RPS6KC1: variants seen among roughly 807,000 people sequenced by gnomAD.
The protein encoded by RPS6KC1 is inactive ribosomal protein S6 kinase delta-1.
A neutral mutation model predicts 103.8 loss-of-function variants in RPS6KC1; 54 were observed. That is an observed-to-expected ratio of 0.52 (90% CI 0.42 to 0.65). The LOEUF (loss-of-function observed/expected upper bound fraction) is 0.65. RPS6KC1 is among the 30% of genes least tolerant of loss of function. The pLI is 0.00. For synonymous variants in RPS6KC1, 439 were observed against 438.7 expected (o/e 1.00, Z -0.01); for missense variants, 1,151 against 1,253.8 (o/e 0.92, Z 1.24).
At chr1:213,662,237 A>T in the RPS6KC1 span, among the ~76,000 whole-genome samples, 1 of 142,092 alleles carries the variant, frequency 7.0e-6, no homozygotes, top group Non-Finnish European at 1.5e-5. Flanking sequence ...AAAAAAAAAA[A>T]TTAGCAATAT....
At chr1:213,504,207 C>T in the RPS6KC1 span, among the ~76,000 whole-genome samples, 1 of 152,282 alleles carries the variant, frequency 6.6e-6, no homozygotes, top group South Asian at 2.1e-4. Context: ...ATTCACTGCA[C>T]ATAACAGAAA....
At chr1:213,584,160 T>C in the RPS6KC1 span, among the ~76,000 whole-genome samples, 2 of 152,226 alleles carry the variant, frequency 1.3e-5, no homozygotes, top group Non-Finnish European at 2.9e-5. Flanking sequence ...GCCTGCACCA[T>C]GTAAGATGTG....
At chr1:213,251,054 T>C (rs1369001407) in intron 12 of RPS6KC1, among the ~76,000 whole-genome samples, 1 of 152,080 alleles carries the variant, frequency 6.6e-6, no homozygotes, top group Non-Finnish European at 1.5e-5. Context: ...AGAAAAAACC[T>C]TGAGTTATCT....
intron 8 of RPS6KC1, among the ~76,000 whole-genome samples, chr1:213,213,584 A>G (rs1022695835): frequency 6.6e-6 from 1 of 152,224 alleles, no homozygotes; most frequent in South Asian, 2.1e-4. Context: ...GATAACCACT[A>G]GACAATCATT....
At chr1:213,605,519 C>T in the RPS6KC1 span, among the ~76,000 whole-genome samples, 2 of 152,322 alleles carry the variant, frequency 1.3e-5, no homozygotes, top group East Asian at 1.9e-4. Flanking sequence ...ACTTAAACGA[C>T]CCCACTGAGC....
At chr1:213,368,280 G>T in the RPS6KC1 span, among the ~76,000 whole-genome samples, 1 of 147,076 alleles carries the variant, frequency 6.8e-6, no homozygotes, top group African/African-American at 2.7e-5. Flanking sequence ...CTTTAATGAT[G>T]GGGGTTTTAT....
At chr1:213,510,090 A>C in the RPS6KC1 span, among the ~76,000 whole-genome samples, 1 of 152,146 alleles carries the variant, frequency 6.6e-6, no homozygotes, top group Non-Finnish European at 1.5e-5. Context: ...CATTTACTGG[A>C]GGACTAATTG....
chr1:213,844,586 C>T, the RPS6KC1 span, among the ~76,000 whole-genome samples: 1 of 151,994 alleles, frequency 6.6e-6, no homozygotes, highest in East Asian at 1.9e-4. Flanking sequence ...ACTATGTAAG[C>T]CCTGATATGG....
chr1:213,649,384 G>A, the RPS6KC1 span, among the ~76,000 whole-genome samples: 6 of 151,786 alleles, frequency 4.0e-5, no homozygotes, highest in Non-Finnish European at 8.8e-5. Flanking sequence ...ACAGCCTCTG[G>A]GCCCCTGACT....
the RPS6KC1 span, among the ~76,000 whole-genome samples, chr1:213,336,225 A>G: frequency 2.0e-5 from 3 of 152,232 alleles, no homozygotes; most frequent in African/African-American, 4.8e-5. Flanking sequence ...AAAACAGCCA[A>G]TCAAGTTCAA....
At chr1:213,818,072 T>G in the RPS6KC1 span, 1 of 152,192 alleles carries the variant, frequency 6.6e-6, no homozygotes, top group African/African-American at 2.4e-5. Context: ...ACGTGTGTGT[T>G]CTGCCTGCCC....
chr1:213,260,965 C>T (rs1218917633), intron 12 of RPS6KC1, among the ~76,000 whole-genome samples: 6 of 152,166 alleles, frequency 3.9e-5, no homozygotes, highest in African/African-American at 1.2e-4. Context: ...ATATATCTAT[C>T]TGTACTTTAG....
At chr1:213,105,063 A>G (rs890388381) in intron 4 of RPS6KC1, among the ~76,000 whole-genome samples, 7 of 152,280 alleles carry the variant, frequency 4.6e-5, no homozygotes, top group African/African-American at 1.4e-4. Flanking sequence ...CTGTAAGTCT[A>G]TATTAAATTT....
chr1:213,804,211 C>T, the RPS6KC1 span, among the ~76,000 whole-genome samples: 2 of 145,220 alleles, frequency 1.4e-5, no homozygotes, highest in African/African-American at 2.5e-5. Flanking sequence ...ACCCTTTCTC[C>T]TGGAATATTT....
the RPS6KC1 span, among the ~76,000 whole-genome samples, chr1:213,344,762 G>A: frequency 1.2e-4 from 18 of 151,984 alleles, no homozygotes; most frequent in African/African-American, 3.9e-4. Context: ...TTTGAACTCC[G>A]GACCTCAAGT....
chr1:213,335,512 C>T, the RPS6KC1 span, among the ~76,000 whole-genome samples: 1 of 152,150 alleles, frequency 6.6e-6, no homozygotes, highest in South Asian at 2.1e-4. Context: ...GTATTCTAAC[C>T]AGCAGAAAGG....
the RPS6KC1 span, among the ~76,000 whole-genome samples, chr1:213,444,289 C>T: frequency 1.9e-4 from 29 of 152,250 alleles, no homozygotes; most frequent in Admixed American, 6.5e-4. Flanking sequence ...CACGTTCACT[C>T]GTGCTAGGGG....
chr1:213,242,909 C>A (rs1220511480), intron 12 of RPS6KC1, among the ~76,000 whole-genome samples: 1 of 152,182 alleles, frequency 6.6e-6, no homozygotes, highest in Non-Finnish European at 1.5e-5. Context: ...TCATTAAGAA[C>A]TGCAGTGAAT....
chr1:213,340,980 AC>A, the RPS6KC1 span, among the ~76,000 whole-genome samples: 1 of 152,248 alleles, frequency 6.6e-6, no homozygotes, highest in Non-Finnish European at 1.5e-5. Flanking sequence ...AGGTAGTTGA[AC>A]CACCAAAGAG....
Sources: gnomAD v4.1 joint callset for allele counts (sites outside exome capture counted in the v4.1 genomes callset) on GRCh38, gnomAD v4.1.1 for gene constraint, MANE v1.5 for transcripts, NCBI Gene and HGNC (gene_info 2026-07-23, HGNC 2026-07-21) for gene names.